AGBL4: variants seen among roughly 807,000 people sequenced by gnomAD.
AGBL4 encodes the protein cytosolic carboxypeptidase 6.
A neutral mutation model predicts 66.4 loss-of-function variants in AGBL4; 58 were observed. That is an observed-to-expected ratio of 0.87 (90% CI 0.71 to 1.09). AGBL4 has a LOEUF of 1.09. Ranked by LOEUF, AGBL4 falls within the 50% of genes least tolerant of loss-of-function variation. AGBL4 has a pLI of 0.00. For missense variants in AGBL4, 579 were observed against 631.0 expected, an observed-to-expected ratio of 0.92 and a Z score of 0.88; for synonymous variants, 234 against 222.9, an observed-to-expected ratio of 1.05 and a Z score of -0.44.
At chr1:49,730,091 C>T (rs889492785) in intron 2 of AGBL4, among the ~76,000 whole-genome samples, 1 of 152,192 alleles carries the variant, frequency 6.6e-6, no homozygotes, top group South Asian at 2.1e-4. Context: ...CCTGTAAAAA[C>T]CCTGGACTCA....
At chr1:48,923,276 C>T (rs1359921298) in intron 5 of AGBL4, among the ~76,000 whole-genome samples, 2 of 152,152 alleles carry the variant, frequency 1.3e-5, no homozygotes, top group African/African-American at 4.8e-5. Flanking sequence ...CCCATGTCAT[C>T]TCCTTCTAAA....
At chr1:49,538,052 A>C (rs1470292491) in intron 3 of AGBL4, among the ~76,000 whole-genome samples, 1 of 152,214 alleles carries the variant, frequency 6.6e-6, no homozygotes, top group African/African-American at 2.4e-5. Context: ...TTCTCAAAGA[A>C]CTAAAAATAG....
At chr1:49,786,232 G>A (rs1251011057) in intron 2 of AGBL4, among the ~76,000 whole-genome samples, 1 of 151,970 alleles carries the variant, frequency 6.6e-6, no homozygotes, top group East Asian at 1.9e-4. Context: ...ATTTTACATG[G>A]CTGAGATCAA....
intron 1 of AGBL4, among the ~76,000 whole-genome samples, chr1:50,015,277 A>G (rs1279971586): frequency 6.6e-6 from 1 of 152,164 alleles, no homozygotes; most frequent in Non-Finnish European, 1.5e-5. Flanking sequence ...TTCTGTGTAC[A>G]ACTCTATGTT....
chr1:49,903,473 A>C (rs1193296507), intron 1 of AGBL4, among the ~76,000 whole-genome samples: 2 of 152,108 alleles, frequency 1.3e-5, no homozygotes, highest in African/African-American at 4.8e-5. Flanking sequence ...TACCTATATA[A>C]CAAGTCTGCA....
intron 6 of AGBL4, among the ~76,000 whole-genome samples, chr1:48,787,334 T>A (rs1196230893): frequency 6.6e-6 from 1 of 152,186 alleles, no homozygotes; most frequent in Non-Finnish European, 1.5e-5. Context: ...CCAGGTGAGA[T>A]CCTGACAGGC....
intron 2 of AGBL4, among the ~76,000 whole-genome samples, chr1:49,738,502 C>G (rs572876498): frequency 1.3e-5 from 2 of 152,332 alleles, no homozygotes; most frequent in East Asian, 1.9e-4. Context: ...AAACAAAAGG[C>G]AGCAGAAACC....
chr1:48,805,363 T>G (rs992533431), intron 6 of AGBL4, among the ~76,000 whole-genome samples: 1 of 152,214 alleles, frequency 6.6e-6, no homozygotes, highest in African/African-American at 2.4e-5. Flanking sequence ...CAGAACAATG[T>G]GCTCTTGCTT....
At chr1:48,904,876 C>T (rs1043902174) in intron 5 of AGBL4, among the ~76,000 whole-genome samples, 3 of 152,076 alleles carry the variant, frequency 2.0e-5, no homozygotes, top group Non-Finnish European at 4.4e-5. Context: ...TCATGTGTTG[C>T]TGCTTCCATT....
chr1:48,754,428 G>T (rs1000480839), intron 6 of AGBL4, among the ~76,000 whole-genome samples: 2 of 152,102 alleles, frequency 1.3e-5, no homozygotes, highest in African/African-American at 4.8e-5. Flanking sequence ...CTGGAACAAA[G>T]GATACCCTCG....
intron 2 of AGBL4, among the ~76,000 whole-genome samples, chr1:49,774,672 T>G (rs1002454372): frequency 6.6e-6 from 1 of 152,242 alleles, no homozygotes; most frequent in Non-Finnish European, 1.5e-5. Context: ...CTATCATGAC[T>G]GAAGAAATTC....
At chr1:49,022,089 C>A (rs1374594628) in intron 5 of AGBL4, among the ~76,000 whole-genome samples, 1 of 152,084 alleles carries the variant, frequency 6.6e-6, no homozygotes, top group Non-Finnish European at 1.5e-5. Flanking sequence ...AAAGAGAAGG[C>A]TGATTCAAAT....
chr1:48,570,828 T>C (rs1267246888), intron 11 of AGBL4, among the ~76,000 whole-genome samples: 6 of 152,146 alleles, frequency 3.9e-5, no homozygotes, highest in African/African-American at 1.4e-4. Flanking sequence ...TTAGTGCGTA[T>C]AAGTAGGGGT....
intron 1 of AGBL4, among the ~76,000 whole-genome samples, chr1:49,899,989 C>T (rs1170220291): frequency 6.6e-6 from 1 of 151,726 alleles, no homozygotes; most frequent in Non-Finnish European, 1.5e-5. Context: ...TTGTGGTGAG[C>T]CGAGATCGTA....
At chr1:49,502,457 G>C (rs577706479) in intron 3 of AGBL4, among the ~76,000 whole-genome samples, 1 of 152,108 alleles carries the variant, frequency 6.6e-6, no homozygotes. Context: ...AAATGTGGAA[G>C]TGATTTTGGA....
At chr1:49,131,187 C>A (rs868179996) in intron 4 of AGBL4, among the ~76,000 whole-genome samples, 1 of 151,938 alleles carries the variant, frequency 6.6e-6, no homozygotes, top group Non-Finnish European at 1.5e-5. Flanking sequence ...AATGACAAAT[C>A]TAATTTATAA....
intron 3 of AGBL4, among the ~76,000 whole-genome samples, chr1:49,679,977 A>C (rs2124556428): frequency 6.6e-6 from 1 of 152,182 alleles, no homozygotes; most frequent in Middle Eastern, 3.4e-3. Context: ...AACAGAGTAG[A>C]AGAAACAATA....
chr1:48,594,135 A>G (rs1045458013), intron 9 of AGBL4, among the ~76,000 whole-genome samples: 1 of 152,060 alleles, frequency 6.6e-6, no homozygotes, highest in Non-Finnish European at 1.5e-5. Context: ...AGACCAGCCT[A>G]GCCAACATGG....
chr1:49,950,423 G>T (rs1185533252), intron 1 of AGBL4, among the ~76,000 whole-genome samples: 1 of 151,380 alleles, frequency 6.6e-6, no homozygotes, highest in Non-Finnish European at 1.5e-5. Context: ...AGGGAAAAGG[G>T]TGAGGGATAA....
Sources: allele counts gnomAD v4.1 joint callset (sites outside exome capture counted in the v4.1 genomes callset), GRCh38; gene constraint gnomAD v4.1.1; transcripts MANE v1.5; gene names NCBI Gene and HGNC (gene_info 2026-07-23, HGNC 2026-07-21).